Variants in WWOX observed in about 807,000 individuals in gnomAD.
WWOX encodes WW domain-containing oxidoreductase.
A neutral mutation model predicts 46.2 loss-of-function variants in WWOX; 69 were observed. That is an observed-to-expected ratio of 1.49 (90% CI 1.23 to 1.82). WWOX has a LOEUF of 1.82. WWOX is among the 40% of genes most tolerant of loss of function. WWOX has a pLI of 0.00. For missense variants in WWOX, 919 were observed against 542.6 expected (o/e 1.69, Z -6.89); for synonymous variants, 359 against 202.6 (o/e 1.77, Z -6.56).
chr16:79,123,480 C>G (rs746926999), intron 8 of WWOX, among the ~76,000 whole-genome samples: 5 of 152,140 alleles, frequency 3.3e-5, no homozygotes, highest in Non-Finnish European at 5.9e-5. Flanking sequence ...AGACACTGAT[C>G]TAGGCTCATT....
chr16:78,429,865 A>G (rs9924307), intron 7 of WWOX, among the ~76,000 whole-genome samples: 26,792 of 152,176 alleles, frequency 0.18, 3,179 homozygotes, highest in African/African-American at 0.31. Flanking sequence ...GGGCCAGGCT[A>G]CAGGAAAGAT....
chr16:79,187,578 C>T (rs1433902786), intron 8 of WWOX, among the ~76,000 whole-genome samples: 1 of 152,160 alleles, frequency 6.6e-6, no homozygotes, highest in African/African-American at 2.4e-5. Flanking sequence ...CCACGCCCAG[C>T]TGATTTTTAG....
intron 8 of WWOX, among the ~76,000 whole-genome samples, chr16:78,947,039 T>G (rs1366662171): frequency 7.3e-6 from 1 of 136,068 alleles, no homozygotes; most frequent in Non-Finnish European, 1.6e-5. Context: ...CGTAAAGGAG[T>G]AAGTTAAAAA....
intron 5 of WWOX, among the ~76,000 whole-genome samples, chr16:78,324,511 C>T (rs994935802): frequency 2.6e-5 from 4 of 151,918 alleles, no homozygotes; most frequent in Non-Finnish European, 5.9e-5. Context: ...TTCTTAATAG[C>T]CAATAGGTGG....
intron 8 of WWOX, among the ~76,000 whole-genome samples, chr16:78,673,103 C>T (rs952406365): frequency 6.6e-5 from 10 of 152,294 alleles, no homozygotes; most frequent in South Asian, 2.1e-4. Context: ...AAATAGGGTA[C>T]GCTGAAGGTC....
intron 5 of WWOX, among the ~76,000 whole-genome samples, chr16:78,282,316 T>C (rs1048195914): frequency 3.3e-5 from 5 of 152,202 alleles, no homozygotes; most frequent in Non-Finnish European, 7.3e-5. Context: ...GCAATTTTAT[T>C]TTTGCATGTT....
At chr16:78,103,881 C>T (rs1434400211) in intron 1 of WWOX, among the ~76,000 whole-genome samples, 3 of 152,030 alleles carry the variant, frequency 2.0e-5, no homozygotes, top group Admixed American at 6.5e-5. Context: ...TGCTTTCCCA[C>T]CTGCCTCACG....
intron 8 of WWOX, among the ~76,000 whole-genome samples, chr16:79,025,590 C>T (rs1320524372): frequency 2.0e-5 from 3 of 152,120 alleles, no homozygotes; most frequent in African/African-American, 7.2e-5. Flanking sequence ...AGGTTCTCCT[C>T]AGAGCCCCCA....
intron 8 of WWOX, chr16:78,873,047 T>TTGGCCTCC: frequency 6.6e-6 from 1 of 152,448 alleles, no homozygotes; most frequent in East Asian, 1.9e-4. Flanking sequence ...TCCTCCTGCT[T>TTGGCCTCC]TGGCCTCCTG....
chr16:78,494,972 G>A (rs1394275953), intron 8 of WWOX, among the ~76,000 whole-genome samples: 1 of 152,164 alleles, frequency 6.6e-6, no homozygotes, highest in Non-Finnish European at 1.5e-5. Context: ...CAGATGAGTG[G>A]AGGTTTCTTA....
intron 5 of WWOX, among the ~76,000 whole-genome samples, chr16:78,214,772 A>G (rs2036664214): frequency 6.6e-6 from 1 of 151,974 alleles, no homozygotes; most frequent in African/African-American, 2.4e-5. Flanking sequence ...TTGTTTCTTA[A>G]TGAGCTACTT....
chr16:78,692,450 G>C (rs570350009), intron 8 of WWOX, among the ~76,000 whole-genome samples: 1 of 152,236 alleles, frequency 6.6e-6, no homozygotes, highest in East Asian at 1.9e-4. Flanking sequence ...AATTACAGAA[G>C]AGTGATGCCC....
At chr16:78,475,459 G>A (rs1057031212) in intron 8 of WWOX, among the ~76,000 whole-genome samples, 1 of 152,198 alleles carries the variant, frequency 6.6e-6, no homozygotes, top group Non-Finnish European at 1.5e-5. Flanking sequence ...AAGAGAATAA[G>A]GTGTTGGTTT....
chr16:78,460,330 G>A lies in WWOX; in HGVS notation c.1056+27578G>A, dbSNP rs564204090. 1.6e-4 allele frequency among the ~76,000 whole-genome samples: 24 copies of A among 152,156 alleles called. No homozygotes were observed. In the South Asian group the frequency reaches 4.8e-3, roughly 30 times the overall value. On this transcript the variant is annotated intron_variant, in intron 8 of 8. Transcript: ENST00000566780. ...TTTAGTAGAGGCGGAGTTTCACCAA[G>A]TTGGCCAGGTTGTTCTCAAACTACT...
At chr16:78,355,903 T>C (rs558960182) in intron 5 of WWOX, 9 of 388,728 alleles carry the variant, frequency 2.3e-5, no homozygotes, top group African/African-American at 8.8e-5. Context: ...GTGCAAGATA[T>C]TCAAAAGAGA....
chr16:78,582,716 C>A (rs1249184166), intron 8 of WWOX, among the ~76,000 whole-genome samples: 1 of 152,126 alleles, frequency 6.6e-6, no homozygotes, highest in Non-Finnish European at 1.5e-5. Flanking sequence ...ACTTGTTATG[C>A]ATAGGGTTGT....
At chr16:78,739,241 G>A (rs984498427) in intron 8 of WWOX, among the ~76,000 whole-genome samples, 1 of 152,164 alleles carries the variant, frequency 6.6e-6, no homozygotes, top group Non-Finnish European at 1.5e-5. Context: ...GATCCTGGAG[G>A]CCATGTTGTT....
chr16:78,374,125 C>T (rs550756929), intron 5 of WWOX, among the ~76,000 whole-genome samples: 26 of 152,314 alleles, frequency 1.7e-4, no homozygotes, highest in African/African-American at 5.8e-4. Context: ...TTCTTTTTAT[C>T]TGAGTTACTC....
At chr16:79,106,646 G>A (rs1449032881) in intron 8 of WWOX, 3 of 117,122 alleles carry the variant, frequency 2.6e-5, no homozygotes, top group African/African-American at 1.0e-4. Flanking sequence ...CACCCAGGTT[G>A]GAATGCAGTG....
Sources: allele counts gnomAD v4.1 joint callset (sites outside exome capture counted in the v4.1 genomes callset), GRCh38; gene constraint gnomAD v4.1.1; transcripts MANE v1.5; gene names NCBI Gene and HGNC (gene_info 2026-07-23, HGNC 2026-07-21).